DISC1: variants seen among roughly 807,000 people sequenced by gnomAD.
DISC1 encodes the protein DISC1 scaffold protein, also known as disrupted in schizophrenia 1 protein.
Under a neutral mutation model 84.5 loss-of-function variants are expected in DISC1, and 57 were observed. The observed-to-expected ratio is 0.67, with a 90% CI of 0.55 to 0.84. The LOEUF is 0.84. Among genes scored for constraint, DISC1 ranks in the 40% least tolerant of loss-of-function variants. The pLI, the probability that DISC1 is intolerant of heterozygous loss-of-function variation, is 0.00. For missense variants in DISC1, 1,000 were observed against 1,057.8 expected (o/e 0.95, Z 0.76); for synonymous variants, 411 against 415.2 (o/e 0.99, Z 0.12).
chr1:231,736,312 C>A (rs756306323), intron 3 of DISC1, among the ~76,000 whole-genome samples: 18 of 152,144 alleles, frequency 1.2e-4, no homozygotes, highest in Non-Finnish European at 2.1e-4. Context: ...TTGGGAGTGG[C>A]TCTTGGGAAA....
intron 2 of DISC1, among the ~76,000 whole-genome samples, 183 bp from the exon 3 acceptor site, chr1:231,701,771 AT>A (rs565921229): frequency 7.0e-4 from 107 of 152,108 alleles, no homozygotes; most frequent in African/African-American, 2.5e-3. Context: ...TTTTCTTTAC[AT>A]AGATTTTTTT....
intron 9 of DISC1, chr1:231,866,684 T>G: frequency 7.1e-7 from 1 of 1,402,298 alleles, no homozygotes; most frequent in East Asian, 2.5e-5. Flanking sequence ...AGACATGATG[T>G]CACAATAAAA....
chr1:231,936,186 C>T (rs1204848011), intron 9 of DISC1, among the ~76,000 whole-genome samples: 1 of 151,948 alleles, frequency 6.6e-6, no homozygotes, highest in Non-Finnish European at 1.5e-5. Context: ...TGGTTCACGG[C>T]CCTGGGGTCA....
intron 9 of DISC1, among the ~76,000 whole-genome samples, chr1:231,894,919 G>GCA (rs1161163862): frequency 6.7e-6 from 1 of 149,064 alleles, no homozygotes. Context: ...CTTATCACAT[G>GCA]CACACACACA....
At chr1:231,841,151 C>T (rs1478720651) in intron 9 of DISC1, among the ~76,000 whole-genome samples, 1 of 152,200 alleles carries the variant, frequency 6.6e-6, no homozygotes, top group East Asian at 1.9e-4. Context: ...ATTAGAGATT[C>T]TCCACAGGTA....
intron 3 of DISC1, among the ~76,000 whole-genome samples, chr1:231,726,561 GC>G (rs1191688423): frequency 2.0e-5 from 3 of 152,172 alleles, no homozygotes; most frequent in Non-Finnish European, 2.9e-5. Flanking sequence ...AACAGGGAAA[GC>G]CCCTCCTCAT....
Position 231,903,098 on chromosome 1 carries a change from C to G in DISC1, c.1982-55730C>G, listed in dbSNP as rs189289258. On this transcript the variant is annotated intron_variant, in intron 9 of 12. Coordinates refer to ENST00000439617, the MANE Select transcript of DISC1 (RefSeq NM_018662.3). ...TTTTTTTTTGACAGAGTCATACTCTCTTGCCTAGGCTGGAGTGCAGTGGTG... is the reference window on the plus strand; with the variant it reads ...TTTTTTTTTGACAGAGTCATACTCTGTTGCCTAGGCTGGAGTGCAGTGGTG... 5.0e-4 allele frequency among the ~76,000 whole-genome samples: 74 copies of G among 147,350 alleles called. No individual in the cohort carries two copies. The East Asian group carries it at 0.013, about 25-fold the overall frequency.
At chr1:231,684,041 C>T (rs1001767398) in intron 1 of DISC1, among the ~76,000 whole-genome samples, 1 of 152,124 alleles carries the variant, frequency 6.6e-6, no homozygotes, top group Non-Finnish European at 1.5e-5. Flanking sequence ...TGGAGTTGCT[C>T]ACAGCCTGGT....
At chr1:232,018,814 A>G (rs1668703152) in intron 11 of DISC1, among the ~76,000 whole-genome samples, 1 of 152,212 alleles carries the variant, frequency 6.6e-6, no homozygotes, top group Non-Finnish European at 1.5e-5. Flanking sequence ...AGTACTGTGG[A>G]GAGCCCCAGG....
chr1:231,773,990 C>G (rs891738155), intron 6 of DISC1, among the ~76,000 whole-genome samples: 1 of 151,970 alleles, frequency 6.6e-6, no homozygotes, highest in African/African-American at 2.4e-5. Context: ...AGGCTGGGAA[C>G]AGTGGCTCAC....
intron 10 of DISC1, among the ~76,000 whole-genome samples, chr1:231,967,763 A>C (rs1661313517): frequency 6.6e-6 from 1 of 152,222 alleles, no homozygotes; most frequent in African/African-American, 2.4e-5. Flanking sequence ...TTAATTTGAT[A>C]ATCATTGATT....
rs377646733 is a variant in DISC1, at chr1:231,980,885, T to C, written c.2042+21997T>C. 2.6e-5 allele frequency among the ~76,000 whole-genome samples: 4 copies of C among 152,272 alleles called. No homozygotes were observed. In the East Asian group the frequency reaches 5.8e-4, roughly 22 times the overall value. ...CCAAAGAAAGCCTTTTACTCAACAA[T>C]TTCAAGAGAAGAAAAATATGCAAAG... is the stretch of plus-strand genomic sequence containing the variant. On this transcript the variant is annotated intron_variant, in intron 10 of 12. Coordinates refer to ENST00000439617, the MANE Select transcript of DISC1 (RefSeq NM_018662.3).
chr1:231,754,867 T>C (rs1351942099), intron 4 of DISC1, among the ~76,000 whole-genome samples: 2 of 152,182 alleles, frequency 1.3e-5, no homozygotes, highest in East Asian at 3.8e-4. Context: ...GTTGGCTTAC[T>C]TTATGAGCTA....
chr1:232,032,850 T>A (rs925483305), intron 12 of DISC1, among the ~76,000 whole-genome samples: 36 of 152,316 alleles, frequency 2.4e-4, no homozygotes, highest in African/African-American at 7.2e-4. Flanking sequence ...ACAATTAAGG[T>A]CAAGGTCAAG....
rs1175524420 is a variant in DISC1 at position 231,675,434 on chromosome 1, A to G, written c.68-18392A>G. 6.6e-6 allele frequency among the ~76,000 whole-genome samples: 1 copy of G among 152,154 alleles called. No individual in the cohort carries two copies. The highest frequency in any genetic ancestry group is 1.5e-5 in the Non-Finnish European group (1 of 68,016). On this transcript the variant is annotated intron_variant, in intron 1 of 12. Coordinates refer to ENST00000439617, the MANE Select transcript of DISC1 (RefSeq NM_018662.3). This position sits in a 1 kb window ranked among gnomAD's most constrained non-coding sequence, Gnocchi z 4.1. ...AAGATCTAAGCAGGAAGGAGGATCT[A>G]TTGTGAACCGGTTGGAAGTTGATTT...
intron 9 of DISC1, among the ~76,000 whole-genome samples, chr1:231,923,758 G>T (rs986616279): frequency 1.9e-4 from 29 of 152,304 alleles, no homozygotes; most frequent in Non-Finnish European, 3.7e-4. Flanking sequence ...CAGAGGAGAT[G>T]CTGAAAGTTA....
intron 1 of DISC1, among the ~76,000 whole-genome samples, chr1:231,668,481 C>A (rs1214719818): frequency 2.0e-5 from 3 of 152,130 alleles, no homozygotes; most frequent in African/African-American, 7.2e-5. Flanking sequence ...GGATGTGCAA[C>A]ACAGTGGTCC....
chr1:231,728,685 A>G (rs1358700572), intron 3 of DISC1, among the ~76,000 whole-genome samples: 1 of 152,124 alleles, frequency 6.6e-6, no homozygotes, highest in Admixed American at 6.5e-5. Flanking sequence ...TTCTGTTACT[A>G]TTGCATTTTT....
At chr1:231,654,105 CCTT>C (rs1235593013) in intron 1 of DISC1, among the ~76,000 whole-genome samples, 1 of 152,174 alleles carries the variant, frequency 6.6e-6, no homozygotes, top group African/African-American at 2.4e-5. Context: ...CTGGCAAGTT[CCTT>C]CTTGCACTTT....
Sources: gnomAD v4.1 joint callset for allele counts (sites outside exome capture counted in the v4.1 genomes callset) on GRCh38, gnomAD v4.1.1 for gene constraint, Gnocchi (gnomAD v3.1) non-coding constraint, MANE v1.5 for transcripts, NCBI Gene and HGNC (gene_info 2026-07-23, HGNC 2026-07-21) for gene names.